INPP4A: variants seen among roughly 807,000 people sequenced by gnomAD.
INPP4A encodes the protein inositol polyphosphate-4-phosphatase, type I, 107kD.
A neutral mutation model predicts 119.8 loss-of-function variants in INPP4A; 33 were observed. The observed-to-expected ratio is 0.28, with a 90% CI of 0.21 to 0.37. The LOEUF (loss-of-function observed/expected upper bound fraction) is 0.37, where lower values mean the gene tolerates loss of function less well. Ranked by LOEUF, INPP4A falls within the 10% of genes least tolerant of loss-of-function variation. The probability of loss-of-function intolerance (pLI) is 1.00; values close to 1 mark genes in which losing one functional copy is unlikely to be tolerated. For synonymous variants in INPP4A, 496 were observed against 500.7 expected (o/e 0.99, Z 0.12); for missense variants, 956 against 1,289.9 (o/e 0.74, Z 3.97).
chr2:98,505,482 A>C (rs1683874781), intron 1 of INPP4A, among the ~76,000 whole-genome samples: 2 of 152,190 alleles, frequency 1.3e-5, no homozygotes, highest in African/African-American at 4.8e-5. Context: ...CTTTTGTAGG[A>C]GAGAGAGGAC....
chr2:98,469,164 G>T (rs1029927530), intron 1 of INPP4A, among the ~76,000 whole-genome samples: 1 of 152,158 alleles, frequency 6.6e-6, no homozygotes, highest in Non-Finnish European at 1.5e-5. Flanking sequence ...TGATTTGGAG[G>T]TACAGCTGGG....
Position 98,565,768 on chromosome 2 carries a change from TAG to T in INPP4A, c.2279+5_2279+6del, listed in dbSNP as rs762883071. The T allele has an allele frequency of 1.2e-6, 2 of 1,611,482 alleles. No individual in the cohort carries two copies. Among genetic ancestry groups the T allele is most frequent in the African/African-American group, 1.3e-5 (1 of 74,918 alleles). On this transcript the variant is annotated splice_donor_region_variant and intron_variant, in intron 20 of 24. Coordinates refer to ENST00000409851, the MANE Select transcript of INPP4A (RefSeq NM_001134225.2). Reference sequence around the variant, plus strand: ...GCTGCCCGTCATCACAGGAAATCGGTAGAGTGTTGGTTTAAAATTCTCTGAGC... The same window carrying T: ...GCTGCCCGTCATCACAGGAAATCGGTAGTGTTGGTTTAAAATTCTCTGAGC...
intron 1 of INPP4A, among the ~76,000 whole-genome samples, chr2:98,503,073 G>C (rs1489075533): frequency 6.6e-6 from 1 of 152,170 alleles, no homozygotes; most frequent in Non-Finnish European, 1.5e-5. Context: ...AATGTTGCCT[G>C]TTCATGTGGT....
chr2:98,460,033 G>T (rs1231620995), intron 1 of INPP4A, among the ~76,000 whole-genome samples: 5 of 152,022 alleles, frequency 3.3e-5, no homozygotes, highest in Admixed American at 6.5e-5. Context: ...CTTTTGTCCA[G>T]GTGGCTGGAA....
intron 1 of INPP4A, among the ~76,000 whole-genome samples, chr2:98,478,185 G>GT (rs1189183462): frequency 6.6e-6 from 1 of 152,194 alleles, no homozygotes; most frequent in Non-Finnish European, 1.5e-5. Flanking sequence ...ATTTGCGGGT[G>GT]TTTCCTTTTT....
chr2:98,469,119 G>A (rs1675428900), intron 1 of INPP4A, among the ~76,000 whole-genome samples: 1 of 152,150 alleles, frequency 6.6e-6, no homozygotes, highest in South Asian at 2.1e-4. Flanking sequence ...ATCCTGGGTG[G>A]GGCCAGCATG....
At chr2:98,484,529 G>C (rs879578019) in intron 1 of INPP4A, among the ~76,000 whole-genome samples, 1 of 152,124 alleles carries the variant, frequency 6.6e-6, no homozygotes, top group Non-Finnish European at 1.5e-5. Context: ...TGGAAGGAGA[G>C]CCCTTCCAGC....
At chr2:98,579,721 G>A (rs939412936) in intron 24 of INPP4A, among the ~76,000 whole-genome samples, 3 of 152,244 alleles carry the variant, frequency 2.0e-5, no homozygotes, top group Non-Finnish European at 4.4e-5. Flanking sequence ...GTGGGAACAG[G>A]CAGCATTCCC....
intron 4 of INPP4A, among the ~76,000 whole-genome samples, chr2:98,526,080 A>T (rs1010587802): frequency 6.6e-6 from 1 of 152,174 alleles, no homozygotes; most frequent in Admixed American, 6.5e-5. Context: ...GAATAAATAA[A>T]TTGTACAATG....
At chr2:98,564,007 A>C (rs1426450418) in intron 18 of INPP4A, among the ~76,000 whole-genome samples, 1 of 150,206 alleles carries the variant, frequency 6.7e-6, no homozygotes, top group Non-Finnish European at 1.5e-5. Flanking sequence ...CAGTGCAAAC[A>C]TTGCTCGTAT....
At chr2:98,472,441 A>G (rs552342761) in intron 1 of INPP4A, among the ~76,000 whole-genome samples, 3 of 152,362 alleles carry the variant, frequency 2.0e-5, no homozygotes, top group African/African-American at 7.2e-5. Context: ...AGCACAGTCC[A>G]GTGGAGAAGC....
At chr2:98,531,112 AG>A (rs1274413259) in intron 4 of INPP4A, among the ~76,000 whole-genome samples, 2 of 152,238 alleles carry the variant, frequency 1.3e-5, no homozygotes, top group Non-Finnish European at 2.9e-5. Context: ...CACCTCTGAA[AG>A]GCCCCACCCC....
intron 1 of INPP4A, among the ~76,000 whole-genome samples, chr2:98,449,997 G>A (rs963342622): frequency 6.6e-6 from 1 of 151,580 alleles, no homozygotes; most frequent in Non-Finnish European, 1.5e-5. Flanking sequence ...ATTTTTTCTT[G>A]TTGGGCTGTT....
intron 10 of INPP4A, among the ~76,000 whole-genome samples, chr2:98,543,235 T>C (rs1691838255): frequency 6.6e-6 from 1 of 152,116 alleles, no homozygotes; most frequent in African/African-American, 2.4e-5. Flanking sequence ...AGGATGGCAA[T>C]GAGACAGAAG....
At chr2:98,458,428 C>T (rs1012438047) in intron 1 of INPP4A, among the ~76,000 whole-genome samples, 8 of 152,276 alleles carry the variant, frequency 5.3e-5, no homozygotes, top group African/African-American at 1.4e-4. Flanking sequence ...GAACACAACA[C>T]GTTTCCTGGT....
At chr2:98,550,735 C>G (rs1275213676) in intron 13 of INPP4A, among the ~76,000 whole-genome samples, 1 of 152,164 alleles carries the variant, frequency 6.6e-6, no homozygotes. Flanking sequence ...TTTTCTTGCC[C>G]CTGCCATGTA....
Position 98,582,485 on chromosome 2 carries a change from A to G in INPP4A, c.2787-4991A>G, listed in dbSNP as rs530112229. On this transcript the variant is annotated intron_variant, in intron 24 of 24. Transcript: ENST00000409851. ...CACCTACTGCATACGCCAGACACAGAAAGATCACCTACTGCATATGCCAGC... is the reference window on the plus strand; with the variant it reads ...CACCTACTGCATACGCCAGACACAGGAAGATCACCTACTGCATATGCCAGC... Among the ~76,000 whole-genome samples the G allele has an allele frequency of 1.7e-4, 26 of 151,222 alleles. 1 individual carries two copies. The East Asian group carries it at 2.6e-3, about 15-fold the overall frequency.
chr2:98,565,910 T>A, intron 20 of INPP4A, 119 bp from the exon 21 acceptor site: 2 of 1,497,944 alleles, frequency 1.3e-6, no homozygotes, highest in African/African-American at 1.4e-5. Context: ...TGCCACTCCC[T>A]TAAAGGTCTG....
intron 17 of INPP4A, among the ~76,000 whole-genome samples, chr2:98,560,208 A>G (rs1695217799): frequency 6.6e-6 from 1 of 152,176 alleles, no homozygotes; most frequent in African/African-American, 2.4e-5. Flanking sequence ...CCCCCAAATA[A>G]TATGATTTGA....
Sources: gnomAD v4.1 joint callset for allele counts (sites outside exome capture counted in the v4.1 genomes callset) on GRCh38, gnomAD v4.1.1 for gene constraint, MANE v1.5 for transcripts, NCBI Gene and HGNC (gene_info 2026-07-23, HGNC 2026-07-21) for gene names.